MRPS6: variants seen among roughly 807,000 people sequenced by gnomAD.
The protein encoded by MRPS6 is small ribosomal subunit protein bS6m.
MRPS6 carries 6 observed loss-of-function variants against 13.1 expected under a neutral mutation model. The observed-to-expected ratio is 0.46, with a 90% CI of 0.25 to 0.91. The LOEUF is 0.91. Among genes scored for constraint, MRPS6 ranks in the 40% least tolerant of loss-of-function variants. The pLI is 0.18. For missense variants in MRPS6, 164 were observed against 155.6 expected, an observed-to-expected ratio of 1.05 and a Z score of -0.29; for synonymous variants, 61 against 56.5, an observed-to-expected ratio of 1.08 and a Z score of -0.36.
intron 1 of MRPS6, among the ~76,000 whole-genome samples, chr21:34,118,829 T>C (rs1160830913): frequency 6.6e-6 from 1 of 152,138 alleles, no homozygotes; most frequent in African/African-American, 2.4e-5. Flanking sequence ...CCATGTTTCT[T>C]AAAAATGGCC....
At position 34,142,608 on chromosome 21, in the gene MRPS6, C is replaced by G. The variant is rs779505090; in HGVS notation, c.*8C>G. 3 of 1,588,316 alleles carry G rather than the reference C, an allele frequency of 1.9e-6. No homozygotes were observed. Among genetic ancestry groups the G allele is most frequent in the African/African-American group, 1.4e-5 (1 of 73,910 alleles). On this transcript the variant is annotated 3_prime_UTR_variant, in exon 3 of 3. Coordinates refer to ENST00000399312, the MANE Select transcript of MRPS6 (RefSeq NM_032476.4). ...AAGAAGAGGAAGAAGTGAGAAGATT[C>G]GCCAGATTTTAGCCTTATATGTAAT...
At chr21:34,077,802 C>T (rs1989369311) in intron 1 of MRPS6, among the ~76,000 whole-genome samples, 1 of 152,090 alleles carries the variant, frequency 6.6e-6, no homozygotes. Flanking sequence ...AAAGTATAAT[C>T]AGTTCCTAAA....
intron 1 of MRPS6, chr21:34,095,024 T>C: frequency 1.3e-6 from 1 of 742,894 alleles, no homozygotes; most frequent in Non-Finnish European, 2.1e-6. Flanking sequence ...CTTCAAAGTT[T>C]ATCACAACCA....
At chr21:34,105,809 G>A in intron 1 of MRPS6, 2 of 996,722 alleles carry the variant, frequency 2.0e-6, no homozygotes, top group Non-Finnish European at 2.4e-6. Context: ...GTTGCAAGCA[G>A]AAAGTAGAAT....
intron 1 of MRPS6, among the ~76,000 whole-genome samples, chr21:34,117,497 A>G (rs1156645390): frequency 6.6e-6 from 1 of 152,170 alleles, no homozygotes; most frequent in Non-Finnish European, 1.5e-5. Context: ...TTAGTAACTT[A>G]CAAGTGTCTG....
chr21:34,109,841 A>C (rs1556007556), intron 1 of MRPS6, among the ~76,000 whole-genome samples: 1 of 152,160 alleles, frequency 6.6e-6, no homozygotes, highest in Non-Finnish European at 1.5e-5. Context: ...TGTGCATCAA[A>C]ACATCACATT....
At chr21:34,114,304 A>G (rs954400494) in intron 1 of MRPS6, among the ~76,000 whole-genome samples, 11 of 152,068 alleles carry the variant, frequency 7.2e-5, no homozygotes, top group Admixed American at 3.3e-4. Flanking sequence ...TTCAGACAAG[A>G]CTCCAATATT....
chr21:34,102,493 T>C (rs1481154333), intron 1 of MRPS6: 1 of 1,000,208 alleles, frequency 1.0e-6, no homozygotes, highest in East Asian at 1.1e-4. Context: ...ATATAGTCTT[T>C]CACTCAGAAA....
At chr21:34,128,480 G>A (rs182622833) in intron 2 of MRPS6, among the ~76,000 whole-genome samples, 165 of 152,270 alleles carry the variant, frequency 1.1e-3, no homozygotes, top group Non-Finnish European at 2.8e-4. Context: ...CAGAGGAGGA[G>A]GAGAGTATAC....
chr21:34,115,621 G>A (rs1447002954), intron 1 of MRPS6, among the ~76,000 whole-genome samples: 3 of 152,176 alleles, frequency 2.0e-5, no homozygotes, highest in Non-Finnish European at 4.4e-5. Flanking sequence ...GGATGGACAC[G>A]GAGTCAGTGA....
At chr21:34,092,125 C>CATATATAT (rs143732686) in intron 1 of MRPS6, among the ~76,000 whole-genome samples, 13 of 149,354 alleles carry the variant, frequency 8.7e-5, no homozygotes, top group African/African-American at 3.2e-4. Context: ...GGAAGAAAAA[C>CATATATAT]ATATATATAT....
chr21:34,131,459 G>C (rs531632468), intron 2 of MRPS6, among the ~76,000 whole-genome samples: 50 of 152,270 alleles, frequency 3.3e-4, no homozygotes, highest in African/African-American at 1.2e-3. Flanking sequence ...TTGAACAGCA[G>C]CTCCTCTGAT....
chr21:34,078,694 A>G (rs772721696), intron 1 of MRPS6, among the ~76,000 whole-genome samples: 5 of 152,206 alleles, frequency 3.3e-5, no homozygotes, highest in African/African-American at 4.8e-5. Context: ...TTGTACTACT[A>G]CATGTTTAAC....
At chr21:34,102,767 T>C (rs1333641853) in intron 1 of MRPS6, 1 of 999,910 alleles carries the variant, frequency 1.0e-6, no homozygotes, top group Non-Finnish European at 1.2e-6. Context: ...GGTTTTGCTC[T>C]ATACCACTGA....
chr21:34,104,047 C>T (rs1421591728), intron 1 of MRPS6: 1 of 999,936 alleles, frequency 1.0e-6, no homozygotes, highest in Admixed American at 6.2e-5. Context: ...TGCAGAAAGT[C>T]ATACTTTAAC....
At chr21:34,125,242 G>T in intron 1 of MRPS6, 99 bp from the exon 2 acceptor site, 1 of 1,497,296 alleles carries the variant, frequency 6.7e-7, no homozygotes, top group Non-Finnish European at 8.9e-7. Context: ...CCTACCAGTA[G>T]AGCTGTTATG....
At chr21:34,122,538 GA>G (rs1410574732) in intron 1 of MRPS6, 1 of 152,152 alleles carries the variant, frequency 6.6e-6, no homozygotes, top group Non-Finnish European at 1.5e-5. Flanking sequence ...GATGTAAGAA[GA>G]AAATGTTTTT....
intron 1 of MRPS6, among the ~76,000 whole-genome samples, chr21:34,082,007 T>TC (rs1246898685): frequency 3.9e-5 from 6 of 152,018 alleles, no homozygotes; most frequent in African/African-American, 1.4e-4. Context: ...GCTTTTTTTT[T>TC]CTCTCTTCCT....
rs143990570 is a variant in MRPS6 at position 34,093,121 on chromosome 21, T to C, written c.45+19376T>C. On this transcript the variant is annotated intron_variant, in intron 1 of 2. Transcript: ENST00000399312. Reference sequence around the variant, plus strand: ...AATTTAGATGATTCGTCCTACATAATGTCAAAGCATTTGTTTAAAAACTTG... The same window carrying C: ...AATTTAGATGATTCGTCCTACATAACGTCAAAGCATTTGTTTAAAAACTTG... Among the ~76,000 whole-genome samples the C allele has an allele frequency of 5.6e-4, 86 of 152,274 alleles. 1 individual carries two copies. In the East Asian group the frequency reaches 0.016, roughly 29 times the overall value.
Sources: allele counts gnomAD v4.1 joint callset (sites outside exome capture counted in the v4.1 genomes callset), GRCh38; gene constraint gnomAD v4.1.1; transcripts MANE v1.5; gene names NCBI Gene and HGNC (gene_info 2026-07-23, HGNC 2026-07-21).